ARMH4: variants seen among roughly 807,000 people sequenced by gnomAD.
The protein encoded by ARMH4 is armadillo-like helical domain-containing protein 4.
Under a neutral mutation model 61.9 loss-of-function variants are expected in ARMH4, and 49 were observed. The ratio of observed to expected loss-of-function variants is 0.79; its 90% confidence interval spans 0.63 to 1.00. ARMH4 has a LOEUF of 1.00. ARMH4 is among the 50% of genes least tolerant of loss of function. The pLI is 0.00. For missense variants in ARMH4, 934 were observed against 930.0 expected, an observed-to-expected ratio of 1.00 and a Z score of -0.06; for synonymous variants, 368 against 341.5, an observed-to-expected ratio of 1.08 and a Z score of -0.85.
intron 5 of ARMH4, among the ~76,000 whole-genome samples, chr14:58,053,766 C>T (rs1884226304): frequency 6.6e-6 from 1 of 152,230 alleles, no homozygotes. Context: ...ATGATCCTCA[C>T]CTAAGGATCC....
rs1043452631 is a variant in ARMH4 at position 58,133,185 on chromosome 14, C to T, written c.1526G>A (p.Gly509Asp). ...EDPSPVSDVP[G>D]VTQLSRRWEP... ...CCATCTTCTTGACAGCTGAGTAACA[C>T]CAGGAACGTCAGACACAGGAGAGGG... Residue 509 changes from glycine to aspartate, a missense_variant, in exon 3 of 8, where the codon GGT becomes GAT. Physicochemically the swap from Gly to Asp is moderately conservative, Grantham distance 94. Transcript: ENST00000267485. 8.7e-6 allele frequency: 14 copies of T among 1,614,106 alleles called. No individual in the cohort carries two copies. Among genetic ancestry groups the T allele is most frequent in the Non-Finnish European group, 1.0e-5 (12 of 1,180,020 alleles).
At chr14:58,011,051 T>A (rs1348733664) in intron 6 of ARMH4, among the ~76,000 whole-genome samples, 1 of 152,124 alleles carries the variant, frequency 6.6e-6, no homozygotes, top group Admixed American at 6.5e-5. Context: ...GTCCATCTGA[T>A]CCCAGCCCAC....
chr14:58,011,074 T>C (rs775517544), intron 6 of ARMH4, among the ~76,000 whole-genome samples: 3 of 152,116 alleles, frequency 2.0e-5, no homozygotes, highest in South Asian at 2.1e-4. Context: ...CTCTTCACAA[T>C]TGGACCCATT....
intron 5 of ARMH4, among the ~76,000 whole-genome samples, chr14:58,020,246 G>A (rs1594694945): frequency 6.6e-6 from 1 of 152,274 alleles, no homozygotes; most frequent in Non-Finnish European, 1.5e-5. Context: ...AGGGGTGAGG[G>A]CAGGTGGGCC....
chr14:58,008,217 G>A (rs1882257196), intron 6 of ARMH4, among the ~76,000 whole-genome samples: 1 of 152,188 alleles, frequency 6.6e-6, no homozygotes, highest in South Asian at 2.1e-4. Context: ...GGGTAAACAG[G>A]CCACAACACA....
intron 2 of ARMH4, among the ~76,000 whole-genome samples, chr14:58,134,092 A>G (rs1887221245): frequency 6.6e-6 from 1 of 152,254 alleles, no homozygotes; most frequent in Non-Finnish European, 1.5e-5. Flanking sequence ...AGATTAGATA[A>G]CACAAGTAAA....
At chr14:58,079,567 C>T (rs1885155042) in intron 5 of ARMH4, among the ~76,000 whole-genome samples, 1 of 152,150 alleles carries the variant, frequency 6.6e-6, no homozygotes, top group African/African-American at 2.4e-5. Context: ...TCGGGGGACA[C>T]ATTCAAACCA....
At position 58,077,992 on chromosome 14, in the gene ARMH4, C is replaced by T. The variant is rs1885101682; in HGVS notation, c.2089+18732G>A. Reference sequence around the variant, plus strand: ...CAATGGACAGAGATGATACTTTTCCCTTAGCTTTCTGATATTTGCCTTGCT... The same window carrying T: ...CAATGGACAGAGATGATACTTTTCCTTTAGCTTTCTGATATTTGCCTTGCT... On this transcript the variant is annotated intron_variant, in intron 5 of 7. Coordinates refer to ENST00000267485, the MANE Select transcript of ARMH4 (RefSeq NM_001001872.4). Among the ~76,000 whole-genome samples the T allele has an allele frequency of 2.0e-5, 3 of 152,178 alleles. No individual in the cohort carries two copies. The South Asian group carries it at 6.2e-4, about 31-fold the overall frequency.
At chr14:58,067,063 G>A (rs894961072) in intron 5 of ARMH4, among the ~76,000 whole-genome samples, 13 of 152,204 alleles carry the variant, frequency 8.5e-5, no homozygotes, top group East Asian at 3.9e-4. Context: ...TTTCCTATGC[G>A]TAGAGGAATT....
At position 58,052,099 on chromosome 14, in the gene ARMH4, T is replaced by G. The variant is rs545992803; in HGVS notation, c.2090-39949A>C. On this transcript the variant is annotated intron_variant, in intron 5 of 7. Transcript: ENST00000267485. ...CTCCCAACCAGATTAGGCCCAGAATTTGCAACCCCTGCTGGCCCAGCATCC... is the reference window on the plus strand; with the variant it reads ...CTCCCAACCAGATTAGGCCCAGAATGTGCAACCCCTGCTGGCCCAGCATCC... 7.9e-5 allele frequency among the ~76,000 whole-genome samples: 12 copies of G among 152,222 alleles called. No homozygotes were observed. In the East Asian group the frequency reaches 1.5e-3, roughly 20 times the overall value.
intron 5 of ARMH4, among the ~76,000 whole-genome samples, chr14:58,019,678 C>T (rs1266269655): frequency 6.6e-6 from 1 of 152,090 alleles, no homozygotes; most frequent in Non-Finnish European, 1.5e-5. Flanking sequence ...GTAGTCCCAG[C>T]TACTCAGGAG....
chr14:58,002,654 G>C lies in ARMH4; in HGVS notation c.*2082C>G, dbSNP rs1882021208. 6.6e-6 allele frequency: 1 copy of C among 152,244 alleles called. No homozygotes were observed. The highest frequency in any genetic ancestry group is 1.5e-5 in the Non-Finnish European group (1 of 68,044). The allele number at this position is 152,244 out of a possible 1,614,324, so 9.4% of individuals were successfully genotyped here. A position where few individuals can be genotyped will look rare whatever the true frequency, so the allele number is the denominator to read the frequency against. On this transcript the variant is annotated 3_prime_UTR_variant, in exon 8 of 8. Transcript: ENST00000267485. ...ATAGTTTGTCAAGAATACAAAGACA[G>C]TAATGCCACACCATGCTCACTTACT...
chr14:58,028,361 C>T (rs1436398328), intron 5 of ARMH4, among the ~76,000 whole-genome samples: 3 of 152,172 alleles, frequency 2.0e-5, no homozygotes, highest in Non-Finnish European at 2.9e-5. Flanking sequence ...AGGAGCTTCA[C>T]CCACCTGGAA....
intron 4 of ARMH4, among the ~76,000 whole-genome samples, chr14:58,102,767 C>T (rs1327086241): frequency 7.0e-6 from 1 of 142,034 alleles, no homozygotes; most frequent in East Asian, 2.1e-4. Context: ...GCCGAGATTG[C>T]GCCACTGCAG....
intron 2 of ARMH4, 108 bp downstream of exon 2, chr14:58,137,882 T>G: frequency 9.0e-7 from 1 of 1,116,740 alleles, no homozygotes; most frequent in Non-Finnish European, 1.2e-6. Context: ...CTGCTGCACC[T>G]GGCCTGCTTT....
chr14:58,124,047 C>T (rs1886818207), intron 4 of ARMH4, among the ~76,000 whole-genome samples: 2 of 152,226 alleles, frequency 1.3e-5, no homozygotes, highest in South Asian at 4.1e-4. Flanking sequence ...GGCTTACCCT[C>T]ATCCCAAAAC....
Position 58,004,733 on chromosome 14 carries a change from A to G in ARMH4, c.*3T>C, listed in dbSNP as rs757580653. On this transcript the variant is annotated 3_prime_UTR_variant, in exon 8 of 8. Coordinates refer to ENST00000267485, the MANE Select transcript of ARMH4 (RefSeq NM_001001872.4). ...GAATATCCCAATTAAAACCCAGTCC[A>G]ATTCAAAATTCATCTTCAGAGCTGT... 3 of 1,603,234 alleles carry G rather than the reference A, an allele frequency of 1.9e-6. No homozygotes were observed. In the African/African-American group the frequency reaches 4.0e-5, roughly 21 times the overall value.
intron 2 of ARMH4, 84 bp from the exon 3 acceptor site, chr14:58,133,425 G>T: frequency 1.5e-6 from 2 of 1,331,676 alleles, no homozygotes; most frequent in South Asian, 1.5e-5. Flanking sequence ...AAAAACTTGG[G>T]GGGAGGGGAG....
At chr14:58,106,271 C>T (rs1400278502) in intron 4 of ARMH4, among the ~76,000 whole-genome samples, 1 of 152,120 alleles carries the variant, frequency 6.6e-6, no homozygotes. Flanking sequence ...CTCCTGCTAG[C>T]ATGTCCACTG....
Sources: gnomAD v4.1 joint callset for allele counts (sites outside exome capture counted in the v4.1 genomes callset) on GRCh38, gnomAD v4.1.1 for gene constraint, MANE v1.5 for transcripts, NCBI Gene and HGNC (gene_info 2026-07-23, HGNC 2026-07-21) for gene names.